The following ARHGEF4 variants were observed in gnomAD, a reference collection of about 807,000 sequenced individuals.
ARHGEF4 encodes Rho guanine nucleotide exchange factor 4, also known as APC-stimulated guanine nucleotide exchange factor 1.
In ARHGEF4, 119 loss-of-function variants were observed where a neutral mutation model predicts 162.0. The observed-to-expected ratio is 0.73, with a 90% CI of 0.63 to 0.86. The LOEUF is 0.86. Among genes scored for constraint, ARHGEF4 ranks in the 40% least tolerant of loss-of-function variants. The probability of loss-of-function intolerance (pLI) is 0.00; values close to 1 mark genes in which losing one functional copy is unlikely to be tolerated. For synonymous variants in ARHGEF4, 1,014 were observed against 979.9 expected, an observed-to-expected ratio of 1.03 and a Z score of -0.65; for missense variants, 2,488 against 2,456.0, an observed-to-expected ratio of 1.01 and a Z score of -0.28.
intron 1 of ARHGEF4, among the ~76,000 whole-genome samples, chr2:130,903,425 A>C (rs1194347322): frequency 6.6e-6 from 1 of 151,866 alleles, no homozygotes; most frequent in Non-Finnish European, 1.5e-5. Flanking sequence ...ACACCCAGCT[A>C]ATTTTTGTAT....
chr2:130,939,041 C>T (rs1466780749), intron 3 of ARHGEF4, among the ~76,000 whole-genome samples: 4 of 152,082 alleles, frequency 2.6e-5, no homozygotes, highest in African/African-American at 4.8e-5. Context: ...GTTTTTCAGT[C>T]CTCACCCTCC....
At chr2:131,043,711 TGGGGCTGG>T (rs1263424693) in intron 11 of ARHGEF4, 128 bp downstream of exon 11, 18 of 1,302,404 alleles carry the variant, frequency 1.4e-5, no homozygotes, top group Admixed American at 4.1e-5. Flanking sequence ...GCCAGACCCT[TGGGGCTGG>T]GATGGGGTGG....
At chr2:130,934,003 G>A (rs961683547) in intron 3 of ARHGEF4, among the ~76,000 whole-genome samples, 11 of 152,246 alleles carry the variant, frequency 7.2e-5, no homozygotes, top group African/African-American at 2.4e-4. Flanking sequence ...TTGTCTTCTT[G>A]GTTTTAGGAT....
intron 4 of ARHGEF4, among the ~76,000 whole-genome samples, chr2:131,015,866 G>A (rs954044187): frequency 3.3e-5 from 5 of 152,148 alleles, no homozygotes; most frequent in Admixed American, 6.5e-5. Flanking sequence ...ACATCATTTC[G>A]CCTTCCTTGT....
At chr2:130,872,153 A>C (rs1678529562) in intron 1 of ARHGEF4, among the ~76,000 whole-genome samples, 2 of 152,346 alleles carry the variant, frequency 1.3e-5, no homozygotes, top group South Asian at 4.1e-4. Flanking sequence ...AAAATGAGTT[A>C]AAGCCTATTT....
chr2:130,912,214 C>T (rs1681230265), intron 1 of ARHGEF4, among the ~76,000 whole-genome samples: 2 of 152,238 alleles, frequency 1.3e-5, no homozygotes, highest in Non-Finnish European at 2.9e-5. Flanking sequence ...CCTCTCCTTG[C>T]CGTGGGAGGT....
chr2:130,990,825 A>T (rs1026728714), intron 4 of ARHGEF4, among the ~76,000 whole-genome samples: 4 of 151,738 alleles, frequency 2.6e-5, no homozygotes, highest in Non-Finnish European at 5.9e-5. Context: ...TTTTCCCTTA[A>T]TTCTTACTAT....
intron 5 of ARHGEF4, chr2:131,034,843 G>A (rs938388067): frequency 1.3e-5 from 4 of 304,134 alleles, no homozygotes; most frequent in African/African-American, 4.5e-5. Flanking sequence ...GCGCACGCCC[G>A]AGCCGCCGCG....
chr2:130,915,797 G>T lies in ARHGEF4; in HGVS notation c.1851G>T (p.Glu617Asp), dbSNP rs1374310643. ...GPGGAGGRQL[E>D]PKAGGEASRG... is the part of the protein sequence containing the mutation. ...GGGGTGCCGGGGGCCGGCAGCTGGA[G>T]CCCAAAGCAGGCGGCGAGGCCTCGA... The change falls in exon 2 of 14, where the codon GAG becomes GAT. Residue 617 changes from glutamate (E) to aspartate (D), a missense_variant. Coordinates refer to ENST00000409359, the MANE Select transcript of ARHGEF4 (RefSeq NM_001367493.1). 16 of 1,525,676 alleles carry T rather than the reference G, an allele frequency of 1.0e-5. No individual in the cohort carries two copies. Among genetic ancestry groups the T allele is most frequent in the Non-Finnish European group, 1.4e-5 (16 of 1,135,134 alleles). 94.5% of individuals were successfully genotyped at this position (1,525,676 alleles called of 1,614,324 possible).
intron 6 of ARHGEF4, chr2:131,039,369 C>T (rs775135245): frequency 6.9e-5 from 76 of 1,098,460 alleles, no homozygotes; most frequent in Non-Finnish European, 8.2e-5. Flanking sequence ...ACCTCACACA[C>T]AGCCCCGGGA....
chr2:131,039,030 C>A lies in ARHGEF4; in HGVS notation c.4303C>A (p.Arg1435=). ...GGGCTGGTTTCCAGCCAGCTTCGTT[C>A]GGGTATGGTTCCAAGCCCCAGCTTC... ...GEGWFPASFV[R]LRVNQDEPAD... is the part of the protein sequence containing the mutation. Residue 1435 remains arginine, a splice_region_variant and synonymous_variant, in exon 6 of 14, where the codon CGG becomes AGG. Transcript: ENST00000409359. 2 of 1,610,212 alleles carry A rather than the reference C, an allele frequency of 1.2e-6. No individual in the cohort carries two copies. Among genetic ancestry groups the A allele is most frequent in the East Asian group, 2.2e-5 (1 of 44,808 alleles).
intron 4 of ARHGEF4, among the ~76,000 whole-genome samples, chr2:130,967,540 A>G (rs536277798): frequency 6.6e-6 from 1 of 152,264 alleles, no homozygotes; most frequent in African/African-American, 2.4e-5. Context: ...TTGGTGGAGA[A>G]GCCATGCTGC....
At chr2:130,931,684 T>A (rs931234106) in intron 3 of ARHGEF4, among the ~76,000 whole-genome samples, 50 of 152,388 alleles carry the variant, frequency 3.3e-4, no homozygotes, top group African/African-American at 1.2e-3. Context: ...AAAGTCATTA[T>A]GTTGTCCATT....
At chr2:131,011,721 G>C in intron 4 of ARHGEF4, 2 of 1,368,080 alleles carry the variant, frequency 1.5e-6, no homozygotes, top group Non-Finnish European at 2.0e-6. Context: ...AGCAAGCTTT[G>C]GATGCTGTGG....
chr2:130,924,558 G>A (rs1682113127), intron 2 of ARHGEF4, among the ~76,000 whole-genome samples: 1 of 152,184 alleles, frequency 6.6e-6, no homozygotes, highest in Non-Finnish European at 1.5e-5. Flanking sequence ...AGACCAGCAC[G>A]AGGCAGTCCT....
At chr2:130,922,585 T>TA (rs1681942080) in intron 2 of ARHGEF4, among the ~76,000 whole-genome samples, 1 of 152,212 alleles carries the variant, frequency 6.6e-6, no homozygotes, top group Non-Finnish European at 1.5e-5. Flanking sequence ...TGATTGGCTA[T>TA]ACCTTGTTGA....
intron 4 of ARHGEF4, among the ~76,000 whole-genome samples, chr2:130,966,742 T>TGC (rs1685031377): frequency 6.6e-6 from 1 of 152,240 alleles, no homozygotes; most frequent in East Asian, 1.9e-4. Flanking sequence ...CATTCAACAA[T>TGC]CATGGCTTTT....
intron 4 of ARHGEF4, among the ~76,000 whole-genome samples, chr2:131,003,881 G>A (rs1687933525): frequency 6.6e-6 from 1 of 152,084 alleles, no homozygotes; most frequent in Non-Finnish European, 1.5e-5. Flanking sequence ...TAGGGTAACT[G>A]GGTAATAACG....
At chr2:130,878,483 G>A (rs1373035896) in intron 1 of ARHGEF4, among the ~76,000 whole-genome samples, 1 of 152,210 alleles carries the variant, frequency 6.6e-6, no homozygotes, top group Non-Finnish European at 1.5e-5. Context: ...TGGATGCTGT[G>A]TGAGCAGTGG....
Sources: allele counts gnomAD v4.1 joint callset (sites outside exome capture counted in the v4.1 genomes callset), GRCh38; gene constraint gnomAD v4.1.1; transcripts MANE v1.5; gene names NCBI Gene and HGNC (gene_info 2026-07-23, HGNC 2026-07-21).